Variants in ATXN1 observed in about 807,000 individuals in gnomAD.
ATXN1 encodes the protein ataxin 1, also known as ataxin-1.
A neutral mutation model predicts 56.4 loss-of-function variants in ATXN1; 8 were observed. The observed-to-expected ratio is 0.14, with a 90% CI of 0.08 to 0.26. The LOEUF is 0.26. ATXN1 is among the 10% of genes least tolerant of loss of function. ATXN1 has a pLI of 1.00. For missense variants in ATXN1, 987 were observed against 1,106.5 expected (o/e 0.89, Z 1.53); for synonymous variants, 514 against 494.6 (o/e 1.04, Z -0.52).
intron 4 of ATXN1, among the ~76,000 whole-genome samples, chr6:16,553,664 G>A (rs1761961490): frequency 6.6e-6 from 1 of 152,068 alleles, no homozygotes; most frequent in African/African-American, 2.4e-5. Context: ...CTGAATAATG[G>A]CTATTTACTC....
intron 6 of ATXN1, among the ~76,000 whole-genome samples, chr6:16,391,929 G>A (rs1028421224): frequency 1.3e-5 from 2 of 152,116 alleles, no homozygotes; most frequent in African/African-American, 2.4e-5. Context: ...GGTGGCCTAC[G>A]GTCTCCTTTA....
chr6:16,677,087 A>G (rs1435636471), intron 2 of ATXN1, among the ~76,000 whole-genome samples: 2 of 152,100 alleles, frequency 1.3e-5, no homozygotes, highest in Non-Finnish European at 2.9e-5. Context: ...ACCATGGGAA[A>G]TGTAAAAAGG....
chr6:16,542,937 T>C lies in ATXN1; in HGVS notation c.-360-20249A>G, dbSNP rs76433420. ...CTCTCTCTCAAAATATCTTATTGCA[T>C]GGCACTCACCTGTTTTTGTACCACG... On this transcript the variant is annotated intron_variant, in intron 4 of 7. Coordinates refer to ENST00000436367, the MANE Select transcript of ATXN1 (RefSeq NM_001128164.2). Among the ~76,000 whole-genome samples the C allele has an allele frequency of 4.3e-3, 649 of 151,944 alleles. 3 individuals carry two copies. Among genetic ancestry groups the C allele is most frequent in the African/African-American group, 0.015 (624 of 41,466 alleles).
intron 6 of ATXN1, among the ~76,000 whole-genome samples, chr6:16,446,684 T>C (rs1467241236): frequency 6.6e-6 from 1 of 152,236 alleles, no homozygotes; most frequent in African/African-American, 2.4e-5. Flanking sequence ...TTAAAGGAAC[T>C]TTACAGTGAC....
In ATXN1 at chr6:16,392,645, G is replaced by A. The variant is rs1158149209; in HGVS notation, c.-160-64175C>T. ...TGAGTAGCTGGGATTACAGGCGCCC[G>A]CCACCACACCTGGCTAATTTTTGTA... On this transcript the variant is annotated intron_variant, in intron 6 of 7. Coordinates refer to ENST00000436367, the MANE Select transcript of ATXN1 (RefSeq NM_001128164.2). Among the ~76,000 whole-genome samples the A allele has an allele frequency of 4.0e-5, 6 of 151,890 alleles. No homozygotes were observed. In the East Asian group the frequency reaches 5.8e-4, roughly 15 times the overall value.
At chr6:16,641,247 A>G (rs1763701287) in intron 3 of ATXN1, among the ~76,000 whole-genome samples, 1 of 152,240 alleles carries the variant, frequency 6.6e-6, no homozygotes, top group Admixed American at 6.5e-5. Flanking sequence ...AGGTGACTAC[A>G]GATTTTTCAA....
intron 2 of ATXN1, among the ~76,000 whole-genome samples, chr6:16,740,706 TA>T (rs778199167): frequency 5.3e-5 from 8 of 152,184 alleles, no homozygotes; most frequent in Non-Finnish European, 1.0e-4. Context: ...TTTATTTATT[TA>T]TTTTTTTTAG....
chr6:16,496,134 C>A (rs1760777309), intron 5 of ATXN1, among the ~76,000 whole-genome samples: 1 of 152,156 alleles, frequency 6.6e-6, no homozygotes, highest in South Asian at 2.1e-4. Flanking sequence ...CGAGTAACTG[C>A]CTCCTTGTTT....
chr6:16,683,576 A>G (rs769690060), intron 2 of ATXN1, among the ~76,000 whole-genome samples: 7 of 152,164 alleles, frequency 4.6e-5, no homozygotes, highest in Non-Finnish European at 8.8e-5. Flanking sequence ...GATCACATTG[A>G]AGGGATTTTT....
chr6:16,535,199 G>C (rs1233999959), intron 4 of ATXN1, among the ~76,000 whole-genome samples: 1 of 152,184 alleles, frequency 6.6e-6, no homozygotes, highest in Non-Finnish European at 1.5e-5. Context: ...AAGGAAGAGG[G>C]GGAGCTAATA....
chr6:16,387,511 T>C (rs1465268040), intron 6 of ATXN1, among the ~76,000 whole-genome samples: 1 of 152,218 alleles, frequency 6.6e-6, no homozygotes. Context: ...AGGCAGGGGT[T>C]ACCCTCCCAG....
chr6:16,332,670 G>A (rs1018307840), intron 6 of ATXN1, among the ~76,000 whole-genome samples: 4 of 152,222 alleles, frequency 2.6e-5, no homozygotes, highest in African/African-American at 7.2e-5. Context: ...AAATTGGAGG[G>A]AGAGTTAATA....
chr6:16,693,064 T>G (rs1759083174), intron 2 of ATXN1, among the ~76,000 whole-genome samples: 1 of 152,208 alleles, frequency 6.6e-6, no homozygotes, highest in African/African-American at 2.4e-5. Context: ...CTAACTTCTC[T>G]GTGCCTCTCA....
intron 3 of ATXN1, among the ~76,000 whole-genome samples, chr6:16,593,833 G>GTA (rs1206501283): frequency 1.3e-4 from 15 of 118,814 alleles, no homozygotes; most frequent in Non-Finnish European, 1.9e-4. Context: ...ATATATGTAT[G>GTA]TATGTACGTG....
chr6:16,492,039 GATA>G (rs554053486), intron 5 of ATXN1, among the ~76,000 whole-genome samples: 210 of 152,268 alleles, frequency 1.4e-3, no homozygotes, highest in African/African-American at 4.7e-3. Flanking sequence ...ATGAGCTCCA[GATA>G]ATAAGGCAGC....
intron 2 of ATXN1, among the ~76,000 whole-genome samples, chr6:16,694,249 T>C (rs12205143): frequency 0.09 from 13,307 of 147,216 alleles, 706 homozygotes; most frequent in Middle Eastern, 0.13. Flanking sequence ...CTTTTTTTTT[T>C]TTCTTTTTTT....
chr6:16,712,579 C>T (rs1242458440), intron 2 of ATXN1, among the ~76,000 whole-genome samples: 1 of 152,126 alleles, frequency 6.6e-6, no homozygotes, highest in Non-Finnish European at 1.5e-5. Flanking sequence ...TACCACATTA[C>T]ACTCAAAAAA....
intron 2 of ATXN1, among the ~76,000 whole-genome samples, chr6:16,724,046 TA>T (rs1358864746): frequency 3.3e-5 from 5 of 152,218 alleles, no homozygotes; most frequent in Non-Finnish European, 5.9e-5. Flanking sequence ...TAATAACATT[TA>T]AATCTCTGCC....
intron 2 of ATXN1, among the ~76,000 whole-genome samples, chr6:16,695,911 C>CCA (rs1329977245): frequency 6.6e-6 from 1 of 152,062 alleles, no homozygotes; most frequent in Non-Finnish European, 1.5e-5. Context: ...CTACAGTGAG[C>CCA]TATGATGGCA....
Sources: allele counts gnomAD v4.1 joint callset (sites outside exome capture counted in the v4.1 genomes callset), GRCh38; gene constraint gnomAD v4.1.1; transcripts MANE v1.5; gene names NCBI Gene and HGNC (gene_info 2026-07-23, HGNC 2026-07-21).